Variants in ALDH8A1 observed in about 807,000 individuals in gnomAD.
ALDH8A1 encodes the protein aldehyde dehydrogenase 8 family member A1.
Under a neutral mutation model 43.3 loss-of-function variants are expected in ALDH8A1, and 39 were observed. The observed-to-expected ratio is 0.90, with a 90% confidence interval of 0.70 to 1.18. ALDH8A1 has a LOEUF of 1.18. Among genes scored for constraint, ALDH8A1 ranks in the 50% most tolerant of loss-of-function variants. ALDH8A1 has a pLI of 0.00. For missense variants in ALDH8A1, 605 were observed against 622.6 expected (o/e 0.97, Z 0.30); for synonymous variants, 233 against 243.5 (o/e 0.96, Z 0.40).
chr6:134,947,484 A>G (rs953763037), intron 1 of ALDH8A1, among the ~76,000 whole-genome samples: 12 of 152,214 alleles, frequency 7.9e-5, no homozygotes, highest in African/African-American at 2.9e-4. Context: ...CCATCTGACA[A>G]GGGATTAATA....
rs1320601809 is a variant in ALDH8A1, at chr6:134,929,184, A to G, written c.881T>C (p.Phe294Ser). The G allele has an allele frequency of 6.2e-7, 1 of 1,614,148 alleles. No individual in the cohort carries two copies. Among genetic ancestry groups the G allele is most frequent in the Admixed American group, 1.7e-5 (1 of 60,020 alleles). The stretch of plus-strand genomic sequence containing the variant: ...TTCACTATAGATGCTCTTCTGGACA[A>G]AGATCCTGCTGGTACAGAGACAGAT... ...GEICLCTSRI[F>S]VQKSIYSEFL... Residue 294 changes from phenylalanine (F) to serine (S), a missense_variant, in exon 6 of 7, where the codon TTT becomes TCT. By Grantham distance (155) the Phe-to-Ser change is radical (BLOSUM62 -2). Transcript: ENST00000265605.
intron 6 of ALDH8A1, among the ~76,000 whole-genome samples, chr6:134,921,684 C>A (rs1406796810): frequency 6.6e-6 from 1 of 152,228 alleles, no homozygotes; most frequent in Non-Finnish European, 1.5e-5. Flanking sequence ...CACGAAAACT[C>A]CAGACTCCAC....
At chr6:134,921,064 T>A (rs1242912747) in intron 6 of ALDH8A1, among the ~76,000 whole-genome samples, 1 of 152,232 alleles carries the variant, frequency 6.6e-6, no homozygotes, top group East Asian at 1.9e-4. Flanking sequence ...GCCTAGTACA[T>A]AATAAGCCTT....
chr6:134,940,215 C>G (rs1417902983), intron 3 of ALDH8A1: 1 of 359,766 alleles, frequency 2.8e-6, no homozygotes, highest in Non-Finnish European at 5.5e-6. Flanking sequence ...GCACGTGTAC[C>G]CTGGAACTTC....
intron 1 of ALDH8A1, among the ~76,000 whole-genome samples, chr6:134,945,627 A>T (rs1042168159): frequency 2.0e-5 from 3 of 152,084 alleles, no homozygotes. Context: ...TGCATGAAAA[A>T]TTATTATAAT....
chr6:134,943,946 G>T lies in ALDH8A1; in HGVS notation c.159C>A (p.Ala53=), dbSNP rs762993809. The change falls in exon 2 of 7, where the codon GCC becomes GCA. Residue 53 remains alanine, a synonymous_variant. Coordinates refer to ENST00000265605, the MANE Select transcript of ALDH8A1 (RefSeq NM_022568.4). ...ACCAGCTGGGAAAGGCTTCTCTGGC[G>T]GCCTTGACCGCGGCTTCGATCTTTG... is the stretch of plus-strand genomic sequence containing the variant. ...GKDEIEAAVK[A]AREAFPSWSS... is the part of the protein sequence containing the mutation. 6.2e-7 allele frequency: 1 copy of T among 1,614,072 alleles called. No homozygotes were observed. Among genetic ancestry groups the T allele is most frequent in the Non-Finnish European group, 8.5e-7 (1 of 1,179,962 alleles).
chr6:134,947,818 A>G (rs556350745), intron 1 of ALDH8A1, among the ~76,000 whole-genome samples: 13 of 150,380 alleles, frequency 8.6e-5, no homozygotes, highest in African/African-American at 3.0e-4. Context: ...TAGTGCAGCC[A>G]TTATGGAAAA....
At position 134,918,256 on chromosome 6, in the gene ALDH8A1, C is replaced by T. The variant is rs1776738715; in HGVS notation, c.*159G>A. 4 of 672,552 alleles carry T rather than the reference C, an allele frequency of 5.9e-6. No homozygotes were observed. In the South Asian group the frequency reaches 6.0e-5, roughly 10 times the overall value. The allele number at this position is 672,552 out of a possible 1,614,324, so 41.7% of individuals were successfully genotyped here. A position where few individuals can be genotyped will look rare whatever the true frequency, so the allele number is the denominator to read the frequency against. ...ATTGAAAATAGACAGTATCTCTTCA[C>T]TAGTGGGTAAAGTTACTAAGAACTG... On this transcript the variant is annotated 3_prime_UTR_variant, in exon 7 of 7. Coordinates refer to ENST00000265605, the MANE Select transcript of ALDH8A1 (RefSeq NM_022568.4).
At chr6:134,933,062 A>G (rs1261649510) in intron 4 of ALDH8A1, 30 bp from the exon 5 acceptor site, 1 of 1,512,116 alleles carries the variant, frequency 6.6e-7, no homozygotes, top group African/African-American at 1.4e-5. Context: ...AGTTATAGTA[A>G]TTCTCAGTAT....
intron 6 of ALDH8A1, among the ~76,000 whole-genome samples, chr6:134,928,753 A>G (rs1184624277): frequency 6.6e-6 from 1 of 152,152 alleles, no homozygotes; most frequent in Non-Finnish European, 1.5e-5. Flanking sequence ...ATTCTTCCAT[A>G]TCACCCTTAT....
At chr6:134,929,985 AG>A (rs1776955942) in intron 5 of ALDH8A1, among the ~76,000 whole-genome samples, 1 of 152,228 alleles carries the variant, frequency 6.6e-6, no homozygotes, top group South Asian at 2.1e-4. Flanking sequence ...AGCTGGGACC[AG>A]GGAGGCATCC....
At chr6:134,918,918 C>CA in intron 6 of ALDH8A1, 51 bp from the exon 7 acceptor site, 1 of 1,559,128 alleles carries the variant, frequency 6.4e-7, no homozygotes, top group South Asian at 1.2e-5. Flanking sequence ...TGGCTTCACA[C>CA]AAATCAGCAG....
chr6:134,923,950 G>A (rs887826375), intron 6 of ALDH8A1, among the ~76,000 whole-genome samples: 5 of 152,178 alleles, frequency 3.3e-5, no homozygotes, highest in South Asian at 2.1e-4. Context: ...GCCCTGACAC[G>A]AGAATCTTCT....
intron 5 of ALDH8A1, among the ~76,000 whole-genome samples, chr6:134,929,805 A>G (rs1480395442): frequency 6.6e-6 from 1 of 152,198 alleles, no homozygotes; most frequent in East Asian, 1.9e-4. Context: ...TTTTATTCTC[A>G]GTATCATGAA....
chr6:134,929,023 T>C (rs367637050), intron 6 of ALDH8A1, 31 bp downstream of exon 6: 269 of 1,609,788 alleles, frequency 1.7e-4, no homozygotes, highest in Non-Finnish European at 2.2e-4. Flanking sequence ...AAGAACTTAT[T>C]CTGTAACTTA....
chr6:134,927,561 A>G (rs750477366), intron 6 of ALDH8A1, among the ~76,000 whole-genome samples: 12 of 152,166 alleles, frequency 7.9e-5, no homozygotes, highest in Non-Finnish European at 1.5e-4. Context: ...TGATACAGAA[A>G]AGTCAATACT....
chr6:134,946,085 C>A (rs1773944492), intron 1 of ALDH8A1, among the ~76,000 whole-genome samples: 1 of 152,212 alleles, frequency 6.6e-6, no homozygotes, highest in Non-Finnish European at 1.5e-5. Context: ...GTCAATTAAA[C>A]CTCTTTCCTT....
At chr6:134,928,258 C>A (rs1357378406) in intron 6 of ALDH8A1, among the ~76,000 whole-genome samples, 2 of 152,192 alleles carry the variant, frequency 1.3e-5, no homozygotes, top group African/African-American at 2.4e-5. Context: ...TAAGGACAGG[C>A]CTTCAAGCTA....
chr6:134,929,600 G>T (rs1214646674), intron 5 of ALDH8A1, among the ~76,000 whole-genome samples: 1 of 152,076 alleles, frequency 6.6e-6, no homozygotes, highest in Admixed American at 6.5e-5. Flanking sequence ...AAAAGATCTG[G>T]AGGTGGGGAA....
Sources: gnomAD v4.1 joint callset for allele counts (sites outside exome capture counted in the v4.1 genomes callset) on GRCh38, gnomAD v4.1.1 for gene constraint, MANE v1.5 for transcripts, NCBI Gene and HGNC (gene_info 2026-07-23, HGNC 2026-07-21) for gene names.